The following PCNX2 variants were observed in gnomAD, a reference collection of about 807,000 sequenced individuals.
The protein encoded by PCNX2 is pecanex-like protein 2.
A neutral mutation model predicts 223.8 loss-of-function variants in PCNX2; 168 were observed. The ratio of observed to expected loss-of-function variants is 0.75; its 90% CI spans 0.66 to 0.85. The LOEUF (loss-of-function observed/expected upper bound fraction) is 0.85, where lower values mean the gene tolerates loss of function less well. Among genes scored for constraint, PCNX2 ranks in the 40% least tolerant of loss-of-function variants. PCNX2 has a pLI of 0.00. For synonymous variants in PCNX2, 1,006 were observed against 1,052.6 expected, an observed-to-expected ratio of 0.96 and a Z score of 0.86; for missense variants, 2,507 against 2,675.5, an observed-to-expected ratio of 0.94 and a Z score of 1.39.
intron 22 of PCNX2, 67 bp from the exon 23 acceptor site, chr1:233,090,257 AT>A: frequency 6.4e-7 from 1 of 1,551,206 alleles, no homozygotes; most frequent in Non-Finnish European, 8.7e-7. Context: ...ATTATTTCAA[AT>A]TTTGATGAGT....
rs779542294 is a variant in PCNX2, at chr1:232,998,261, T to C, written c.5781A>G (p.Thr1927=). ...AQHGVSSCEG[T]QRTGRRKGRS... is the part of the protein sequence containing the mutation. ...CCCTGCTGCACCCACCTGTTCTCTG[T>C]GTCCCTTCACAGGATGACACCCCGT... Residue 1927 remains threonine, a synonymous_variant, in exon 32 of 34, where the codon ACA becomes ACG. Transcript: ENST00000258229. 1.3e-6 allele frequency: 2 copies of C among 1,576,782 alleles called. No homozygotes were observed. The highest frequency in any genetic ancestry group is 3.7e-5 in the Admixed American group (2 of 53,662).
At chr1:233,167,551 T>G (rs896548433) in intron 17 of PCNX2, 1 of 205,168 alleles carries the variant, frequency 4.9e-6, no homozygotes, top group East Asian at 1.8e-4. Context: ...ATAAGTAGAT[T>G]TTAGCTGCTT....
chr1:233,301,843 ATGCAGTGG>A, the PCNX2 span, among the ~76,000 whole-genome samples: 1 of 149,932 alleles, frequency 6.7e-6, no homozygotes, highest in South Asian at 2.1e-4. Flanking sequence ...CCAAGCCAGA[ATGCAGTGG>A]TGCAATCTCA....
At chr1:233,060,755 G>A (rs1298708464) in intron 23 of PCNX2, among the ~76,000 whole-genome samples, 2 of 152,208 alleles carry the variant, frequency 1.3e-5, no homozygotes, top group African/African-American at 2.4e-5. Flanking sequence ...CATTAGGCAT[G>A]CGTCTGCATG....
chr1:233,216,022 T>C (rs1421487502), intron 12 of PCNX2, among the ~76,000 whole-genome samples: 1 of 152,156 alleles, frequency 6.6e-6, no homozygotes, highest in Non-Finnish European at 1.5e-5. Flanking sequence ...GATTGAAAAA[T>C]GGGTCCTAAA....
intron 17 of PCNX2, among the ~76,000 whole-genome samples, chr1:233,171,616 T>G (rs909434859): frequency 1.3e-5 from 2 of 152,204 alleles, no homozygotes; most frequent in African/African-American, 4.8e-5. Context: ...TTGGTCTGTG[T>G]GCTTGGCATG....
At chr1:233,070,707 A>G (rs1672816368) in intron 23 of PCNX2, among the ~76,000 whole-genome samples, 1 of 152,074 alleles carries the variant, frequency 6.6e-6, no homozygotes, top group Non-Finnish European at 1.5e-5. Context: ...ATAGAATTAG[A>G]TGCAAATTTC....
intron 15 of PCNX2, among the ~76,000 whole-genome samples, chr1:233,197,915 A>C (rs1365696074): frequency 6.6e-6 from 1 of 152,166 alleles, no homozygotes; most frequent in South Asian, 2.1e-4. Flanking sequence ...TTTTTGTTTT[A>C]TCAAAGGAGT....
In PCNX2 at chr1:233,092,735, T is replaced by C. The variant is rs76415776; in HGVS notation, c.3947-2545A>G. 9.1e-3 allele frequency among the ~76,000 whole-genome samples: 1,388 copies of C among 152,326 alleles called. 66 individuals are homozygous for C. The highest frequency in any genetic ancestry group is 0.073 in the Admixed American group (1,121 of 15,300). On this transcript the variant is annotated intron_variant, in intron 22 of 33. Coordinates refer to ENST00000258229, the MANE Select transcript of PCNX2 (RefSeq NM_014801.4). ...ATAGCTGAGAGATTAACCTGAGGGG[T>C]AGATGCTCACTCCTTTAAAAGCACA...
At position 233,263,112 on chromosome 1, in the gene PCNX2, T is replaced by G; in HGVS notation, c.205A>C (p.Ile69Leu). The change falls in exon 2 of 34, where the codon ATA (isoleucine) becomes CTA (leucine). Residue 69 changes from isoleucine to leucine, a missense_variant. Coordinates refer to ENST00000258229, the MANE Select transcript of PCNX2 (RefSeq NM_014801.4). ...ACCAGTTTGATTATTGTGAAGAATATAGTCACTGCACTGCAGTAGAAAAAT... is the reference window on the plus strand; with the variant it reads ...ACCAGTTTGATTATTGTGAAGAATAGAGTCACTGCACTGCAGTAGAAAAAT... ...IVFFYCSAVT[I>L]FFTIIKLVSY... is the part of the protein sequence containing the mutation. 6.2e-7 allele frequency: 1 copy of G among 1,613,180 alleles called. No individual in the cohort carries two copies. The highest frequency in any genetic ancestry group is 1.3e-5 in the African/African-American group (1 of 75,020).
At chr1:233,325,516 A>AAC in the PCNX2 span, among the ~76,000 whole-genome samples, 5 of 149,402 alleles carry the variant, frequency 3.3e-5, no homozygotes, top group East Asian at 2.0e-4. Context: ...AAAAAAAAAA[A>AAC]CCAAAAAAAA....
At chr1:233,187,489 TCAGTCACTACATTTCTGGA>T (rs539818865) in intron 15 of PCNX2, among the ~76,000 whole-genome samples, 62 of 152,248 alleles carry the variant, frequency 4.1e-4, no homozygotes, top group African/African-American at 1.5e-3. Flanking sequence ...TCACTCCCCA[TCAGTCACTACATTTCTGGA>T]TTTGATCCCA....
chr1:233,019,653 A>G (rs1670805500), intron 26 of PCNX2, among the ~76,000 whole-genome samples: 1 of 152,038 alleles, frequency 6.6e-6, no homozygotes, highest in East Asian at 1.9e-4. Flanking sequence ...TGGGACTCAG[A>G]GGGGAGGCAG....
At chr1:233,081,588 G>C (rs1673361639) in intron 23 of PCNX2, among the ~76,000 whole-genome samples, 1 of 152,166 alleles carries the variant, frequency 6.6e-6, no homozygotes, top group Non-Finnish European at 1.5e-5. Context: ...AAACATGCAA[G>C]CTGATGACTT....
At chr1:233,066,000 C>T (rs1296599552) in intron 23 of PCNX2, among the ~76,000 whole-genome samples, 1 of 152,164 alleles carries the variant, frequency 6.6e-6, no homozygotes, top group African/African-American at 2.4e-5. Context: ...TTGAATGGTG[C>T]TTTTTGACCA....
At chr1:233,273,677 G>A (rs970148233) in intron 1 of PCNX2, among the ~76,000 whole-genome samples, 88 of 151,286 alleles carry the variant, frequency 5.8e-4, no homozygotes, top group African/African-American at 2.0e-3. Flanking sequence ...GGGCCGAAGT[G>A]CAGTGGCACA....
chr1:233,179,033 A>C (rs1679644212), intron 16 of PCNX2, 33 bp downstream of exon 16: 1 of 1,580,748 alleles, frequency 6.3e-7, no homozygotes, highest in Non-Finnish European at 8.7e-7. Context: ...CCCCCAGCTC[A>C]GTGATGAGAG....
intron 28 of PCNX2, among the ~76,000 whole-genome samples, chr1:233,004,926 C>A (rs1391501912): frequency 6.6e-6 from 1 of 152,132 alleles, no homozygotes; most frequent in South Asian, 2.1e-4. Context: ...AGAAAAGGAT[C>A]CAAGAAGCTA....
intron 21 of PCNX2, among the ~76,000 whole-genome samples, chr1:233,111,495 ACCTCCC>A (rs1273163332): frequency 3.3e-5 from 5 of 152,048 alleles, no homozygotes; most frequent in African/African-American, 1.2e-4. Context: ...TGCAGCCTCA[ACCTCCC>A]AGGTTCAAGC....
Sources: allele counts gnomAD v4.1 joint callset (sites outside exome capture counted in the v4.1 genomes callset), GRCh38; gene constraint gnomAD v4.1.1; transcripts MANE v1.5; gene names NCBI Gene and HGNC (gene_info 2026-07-23, HGNC 2026-07-21).